DDX27: variants seen among roughly 807,000 people sequenced by gnomAD.
DDX27 encodes the protein DEAD-box helicase 27, also known as probable ATP-dependent RNA helicase DDX27.
A neutral mutation model predicts 99.3 loss-of-function variants in DDX27; 42 were observed. The observed-to-expected ratio is 0.42, with a 90% CI of 0.33 to 0.55. The LOEUF (loss-of-function observed/expected upper bound fraction) is 0.55, where lower values mean the gene tolerates loss of function less well. Among genes scored for constraint, DDX27 ranks in the 20% least tolerant of loss-of-function variants. The pLI is 0.07. For missense variants in DDX27, 798 were observed against 976.8 expected (o/e 0.82, Z 2.44); for synonymous variants, 329 against 353.8 (o/e 0.93, Z 0.79).
At chr20:49,220,921 C>G (rs1056599607) in intron 1 of DDX27, among the ~76,000 whole-genome samples, 2 of 152,226 alleles carry the variant, frequency 1.3e-5, no homozygotes, top group Non-Finnish European at 2.9e-5. Flanking sequence ...TGACTTTCAT[C>G]TCTCACAGCT....
At chr20:49,230,371 C>A (rs1200705196) in intron 9 of DDX27, 22 bp downstream of exon 9, 6 of 1,597,010 alleles carry the variant, frequency 3.8e-6, no homozygotes, top group Non-Finnish European at 4.2e-6. Flanking sequence ...AGCCTGGGGC[C>A]CAGGGCACTG....
chr20:49,244,062 G>A lies in DDX27; in HGVS notation c.*228G>A. 1 of 599,226 alleles carries A rather than the reference G, an allele frequency of 1.7e-6. No individual in the cohort carries two copies. Among genetic ancestry groups the A allele is most frequent in the Non-Finnish European group, 2.9e-6 (1 of 341,658 alleles). 37.1% of individuals were successfully genotyped at this position (599,226 alleles called of 1,614,324 possible). On this transcript the variant is annotated 3_prime_UTR_variant, in exon 21 of 21. Coordinates refer to ENST00000618172, the MANE Select transcript of DDX27 (RefSeq NM_017895.8). ...ACTATATTAAATGGAAGTATTTTTG[G>A]GAAAAGAGAAACCAATCCAAGTGTA...
In DDX27 at chr20:49,233,415, G is replaced by A; in HGVS notation, c.1131+10G>A. On this transcript the variant is annotated intron_variant, in intron 10 of 20. Transcript: ENST00000618172. ...CACCATGACAGACGAGGTGGGCCGAGGGACTTCTCTGTGGCGGGTGGCAGG... is the reference window on the plus strand; with the variant it reads ...CACCATGACAGACGAGGTGGGCCGAAGGACTTCTCTGTGGCGGGTGGCAGG... 6.2e-7 allele frequency: 1 copy of A among 1,613,608 alleles called. No individual in the cohort carries two copies. Among genetic ancestry groups the A allele is most frequent in the Non-Finnish European group, 8.5e-7 (1 of 1,179,890 alleles).
chr20:49,243,678 G>A lies in DDX27; in HGVS notation c.2254G>A (p.Gly752Arg), dbSNP rs779168788. Residue 752 changes from glycine to arginine, a missense_variant, in exon 20 of 21, where the codon GGA (glycine) becomes AGA (arginine). Transcript: ENST00000618172. Reference protein sequence around the residue: ...KQLGLPHQRRGGNFKSKSRYK... With the variant: ...KQLGLPHQRRRGNFKSKSRYK... Reference sequence around the variant, plus strand: ...GTTGGGCTTGCCCCACCAGAGACGAGGAGGAAACTTTAAATCTAAATCCAG... The same window carrying A: ...GTTGGGCTTGCCCCACCAGAGACGAAGAGGAAACTTTAAATCTAAATCCAG... 3.1e-6 allele frequency: 5 copies of A among 1,614,178 alleles called. No homozygotes were observed. In the East Asian group the frequency reaches 8.9e-5, roughly 29 times the overall value.
intron 8 of DDX27, among the ~76,000 whole-genome samples, chr20:49,229,251 C>T (rs986951451): frequency 1.3e-5 from 2 of 151,874 alleles, no homozygotes; most frequent in South Asian, 2.1e-4. Context: ...AGGATAGTCT[C>T]GATCTCCTGA....
intron 6 of DDX27, among the ~76,000 whole-genome samples, 187 bp from the exon 7 acceptor site, chr20:49,226,243 T>C (rs1353385263): frequency 1.3e-5 from 2 of 152,198 alleles, no homozygotes; most frequent in African/African-American, 2.4e-5. Flanking sequence ...TTATTTCTTT[T>C]ATTTACTGCT....
In DDX27 at chr20:49,230,181, G is replaced by T; in HGVS notation, c.881-18G>T. 1 of 1,602,698 alleles carries T rather than the reference G, an allele frequency of 6.2e-7. No individual in the cohort carries two copies. The highest frequency in any genetic ancestry group is 8.5e-7 in the Non-Finnish European group (1 of 1,175,350). The stretch of plus-strand genomic sequence containing the variant: ...GCAGCTGACCTGGCCGCCTGGTGGG[G>T]CTCTCTTCTCTTTGCAGGCGGCTTG... On this transcript the variant is annotated intron_variant, in intron 8 of 20. Coordinates refer to ENST00000618172, the MANE Select transcript of DDX27 (RefSeq NM_017895.8).
rs765339022 is a variant in DDX27 at position 49,233,299 on chromosome 20, C to T, written c.1032-7C>T. 4 of 1,612,176 alleles carry T rather than the reference C, an allele frequency of 2.5e-6. No individual in the cohort carries two copies. In the Admixed American group the frequency reaches 5.0e-5, roughly 20 times the overall value. On this transcript the variant is annotated splice_region_variant and splice_polypyrimidine_tract_variant and intron_variant, in intron 9 of 20. Transcript: ENST00000618172. Reference sequence around the variant, plus strand: ...TCCATTTCTGCCATGTCTTTCTCTGCTCCCAGGATGCTGGATGAGTACTTT... The same window carrying T: ...TCCATTTCTGCCATGTCTTTCTCTGTTCCCAGGATGCTGGATGAGTACTTT...
chr20:49,224,676 C>T (rs1432510374), intron 4 of DDX27: 1 of 400,796 alleles, frequency 2.5e-6, no homozygotes, highest in African/African-American at 2.0e-5. Flanking sequence ...ATAAGTATTT[C>T]TTGCAGAAAT....
At chr20:49,234,139 A>G (rs1265965980) in intron 11 of DDX27, 1 of 160,186 alleles carries the variant, frequency 6.2e-6, no homozygotes, top group East Asian at 1.8e-4. Flanking sequence ...GGTGGCTTCC[A>G]TTGGTCTTAG....
In DDX27 at chr20:49,236,033, G is replaced by A. The variant is rs974261722; in HGVS notation, c.1428-117G>A. On this transcript the variant is annotated intron_variant, in intron 12 of 20. Coordinates refer to ENST00000618172, the MANE Select transcript of DDX27 (RefSeq NM_017895.8). This position sits in a 1 kb window ranked among gnomAD's most constrained non-coding sequence, Gnocchi z 4.1. ...GCTGGGATTACAGGCGTGAGCCACC[G>A]TGCCCAGCCTCTATCCCCATTTTAA... is the stretch of plus-strand genomic sequence containing the variant. The A allele has an allele frequency of 2.6e-5, 25 of 964,954 alleles. No homozygotes were observed. The highest frequency in any genetic ancestry group is 8.1e-5 in the Admixed American group (3 of 36,924). 59.8% of individuals were successfully genotyped at this position (964,954 alleles called of 1,614,324 possible).
At chr20:49,221,402 A>G (rs752273337) in intron 1 of DDX27, 50 bp from the exon 2 acceptor site, 12 of 1,609,422 alleles carry the variant, frequency 7.5e-6, no homozygotes, top group Non-Finnish European at 9.3e-6. Context: ...CTTGCTTTCT[A>G]TCATTCTTTA....
chr20:49,228,837 G>A lies in DDX27; in HGVS notation c.829G>A (p.Val277Ile), dbSNP rs781250216. 6.2e-7 allele frequency: 1 copy of A among 1,611,342 alleles called. No individual in the cohort carries two copies. The highest frequency in any genetic ancestry group is 2.2e-5 in the East Asian group (1 of 44,678). Residue 277 changes from valine to isoleucine, a missense_variant, in exon 8 of 21, where the codon GTC (valine) becomes ATC (isoleucine). Physicochemically the swap from Val to Ile is conservative, Grantham distance 29. This residue lies in a region of DDX27 where 553 missense variants were observed against 727.9 expected (regional missense o/e 0.76). Transcript: ENST00000618172. ...AGAGCTGGGCATCCAGGTGCACTCT[G>A]TCACCAGACAGCTGGCCCAGTTCTG... ...TRELGIQVHS[V>I]TRQLAQFCNI...
chr20:49,242,670 G>A lies in DDX27; in HGVS notation c.2193G>A (p.Gln731=). 6.2e-7 allele frequency: 1 copy of A among 1,611,478 alleles called. No homozygotes were observed. The highest frequency in any genetic ancestry group is 8.5e-7 in the Non-Finnish European group (1 of 1,178,220). ...ACACAAGCAAGAAGGCCCTGAAACA[G>A]TATCGAGCTGGGTAGGATTTTAAGT... ...LTNTSKKALK[Q]YRAGPSFEER... The change falls in exon 19 of 21, where the codon CAG becomes CAA. Residue 731 remains glutamine, a synonymous_variant. Coordinates refer to ENST00000618172, the MANE Select transcript of DDX27 (RefSeq NM_017895.8).
At chr20:49,243,289 G>C (rs1980542325) in intron 19 of DDX27, among the ~76,000 whole-genome samples, 1 of 152,134 alleles carries the variant, frequency 6.6e-6, no homozygotes. Context: ...TTCATCTCAA[G>C]TTCCATCCTG....
chr20:49,237,896 C>T lies in DDX27; in HGVS notation c.1688-1053C>T, dbSNP rs1600975285. 4 of 152,636 alleles carry T rather than the reference C, an allele frequency of 2.6e-5. No homozygotes were observed. The South Asian group carries it at 8.2e-4, about 31-fold the overall frequency. 9.5% of individuals were successfully genotyped at this position (152,636 alleles called of 1,614,324 possible). ...AGATCAGAGCGGTAGGCAGGGGCCA[C>T]TCTGAGTCTGGGGGATATGAAGCAG... On this transcript the variant is annotated intron_variant, in intron 14 of 20. Coordinates refer to ENST00000618172, the MANE Select transcript of DDX27 (RefSeq NM_017895.8).
rs769319287 is a variant in DDX27 at position 49,236,472 on chromosome 20, C to T, written c.1649C>T (p.Ala550Val). The change falls in exon 14 of 21, where the codon GCT becomes GTT. Residue 550 changes from alanine to valine, a missense_variant. This residue lies in a region of DDX27 where 553 missense variants were observed against 727.9 expected (regional missense o/e 0.76). Transcript: ENST00000618172. The surrounding 1 kb of genome is among the most constrained non-coding windows in gnomAD (Gnocchi z 4.1). Reference protein sequence around the residue: ...ERKMLKEIVKAAKAPVKARIL... With the variant: ...ERKMLKEIVKVAKAPVKARIL... ...AAGATGCTGAAGGAGATTGTAAAAG[C>T]TGCCAAGGCCCCTGTGAAGGCCAGG... The T allele has an allele frequency of 2.5e-6, 4 of 1,609,366 alleles. No individual in the cohort carries two copies. In the African/African-American group the frequency reaches 5.3e-5, roughly 22 times the overall value.
intron 6 of DDX27, among the ~76,000 whole-genome samples, 183 bp downstream of exon 6, chr20:49,225,382 C>T (rs545690841): frequency 6.6e-6 from 1 of 151,988 alleles, no homozygotes; most frequent in African/African-American, 2.4e-5. Flanking sequence ...ATTGCAGCCA[C>T]CCCTAACTGG....
chr20:49,241,025 C>T (rs1208996806), intron 16 of DDX27, among the ~76,000 whole-genome samples: 33 of 152,110 alleles, frequency 2.2e-4, no homozygotes, highest in Admixed American at 2.2e-3. Context: ...AAACCACCAC[C>T]ACCAACAACA....
Sources: allele counts gnomAD v4.1 joint callset (sites outside exome capture counted in the v4.1 genomes callset), GRCh38; gene constraint gnomAD v4.1.1; regional missense constraint gnomAD v4.1.1; non-coding constraint Gnocchi (gnomAD v3.1); transcripts MANE v1.5; gene names NCBI Gene and HGNC (gene_info 2026-07-23, HGNC 2026-07-21).